Variants in ZEB1 observed in about 807,000 individuals in gnomAD.
ZEB1 encodes zinc finger E-box binding homeobox 1.
A neutral mutation model predicts 84.9 loss-of-function variants in ZEB1; 21 were observed. The ratio of observed to expected loss-of-function variants is 0.25; its 90% confidence interval spans 0.18 to 0.36. The LOEUF (loss-of-function observed/expected upper bound fraction) is 0.36. Among genes scored for constraint, ZEB1 ranks in the 10% least tolerant of loss-of-function variants. The pLI, the probability that ZEB1 is intolerant of heterozygous loss-of-function variation, is 1.00. For synonymous variants in ZEB1, 420 were observed against 471.1 expected (o/e 0.89, Z 1.41); for missense variants, 1,104 against 1,330.2 (o/e 0.83, Z 2.65).
chr10:31,495,103 A>G (rs955758786), intron 2 of ZEB1, among the ~76,000 whole-genome samples: 14 of 152,046 alleles, frequency 9.2e-5, no homozygotes, highest in Middle Eastern at 3.2e-3. Context: ...TTTGGAGCCA[A>G]TCAGACCTGC....
chr10:31,514,203 T>G (rs879505417), intron 5 of ZEB1, among the ~76,000 whole-genome samples: 15 of 152,172 alleles, frequency 9.9e-5, no homozygotes, highest in Non-Finnish European at 2.2e-4. Flanking sequence ...GGTTATTCAG[T>G]ATTTGTGGAT....
rs1324959694 is a variant in ZEB1 at position 31,502,300 on chromosome 10, A to G, written c.323-48A>G. The G allele has an allele frequency of 1.4e-5, 22 of 1,590,336 alleles. No homozygotes were observed. In the South Asian group the frequency reaches 2.3e-4, roughly 17 times the overall value. The stretch of plus-strand genomic sequence containing the variant: ...ATTTCTTATTTAGAAAACCTTTGTA[A>G]TAACTTAGTGGTGAGATTGCTGTCT... On this transcript the variant is annotated intron_variant, in intron 3 of 8. Coordinates refer to ENST00000424869, the MANE Select transcript of ZEB1 (RefSeq NM_001174096.2).
intron 1 of ZEB1, among the ~76,000 whole-genome samples, chr10:31,456,304 G>T (rs570542500): frequency 4.7e-4 from 72 of 152,192 alleles, no homozygotes; most frequent in African/African-American, 1.6e-3. Context: ...AATACCTAAT[G>T]TAGGTGATGG....
At chr10:31,478,243 A>G (rs1437042480) in intron 2 of ZEB1, among the ~76,000 whole-genome samples, 2 of 152,036 alleles carry the variant, frequency 1.3e-5, no homozygotes, top group Admixed American at 6.6e-5. Flanking sequence ...GCCAACAAAC[A>G]TTTTAAAAAT....
intron 1 of ZEB1, chr10:31,381,893 C>G (rs2047703124): frequency 6.6e-6 from 1 of 150,824 alleles, no homozygotes; most frequent in African/African-American, 2.4e-5. Flanking sequence ...CGCCTGTAGT[C>G]TCAGCTACTC....
intron 1 of ZEB1, among the ~76,000 whole-genome samples, chr10:31,375,923 GGAGTTCCTGCT>G (rs932427054): frequency 7.1e-4 from 107 of 151,734 alleles, no homozygotes; most frequent in African/African-American, 2.4e-3. Context: ...TTAAAAAGAA[GGAGTTCCTGCT>G]GATATAAGTC....
At chr10:31,435,765 A>G (rs553609946) in intron 1 of ZEB1, among the ~76,000 whole-genome samples, 2 of 152,232 alleles carry the variant, frequency 1.3e-5, no homozygotes, top group Admixed American at 1.3e-4. Context: ...TGATGGAACA[A>G]TGGAAAGCCA....
intron 1 of ZEB1, among the ~76,000 whole-genome samples, chr10:31,412,399 T>TC (rs1449083260): frequency 6.6e-6 from 1 of 152,182 alleles, no homozygotes; most frequent in Admixed American, 6.5e-5. Flanking sequence ...CCTGATGCTA[T>TC]CCCTCCCCAC....
intron 1 of ZEB1, among the ~76,000 whole-genome samples, chr10:31,409,802 G>T (rs1300971912): frequency 6.6e-6 from 1 of 150,778 alleles, no homozygotes; most frequent in Admixed American, 6.6e-5. Flanking sequence ...TCATGATTTG[G>T]CTCTGTTTGT....
chr10:31,468,143 G>A (rs2062678205), intron 2 of ZEB1, among the ~76,000 whole-genome samples: 1 of 152,132 alleles, frequency 6.6e-6, no homozygotes, highest in Admixed American at 6.5e-5. Flanking sequence ...GCCCTACCAA[G>A]GTCACGTCTG....
At chr10:31,501,081 A>G (rs1304399728) in intron 3 of ZEB1, among the ~76,000 whole-genome samples, 1 of 152,220 alleles carries the variant, frequency 6.6e-6, no homozygotes, top group Non-Finnish European at 1.5e-5. Flanking sequence ...TTTAATAACC[A>G]TCGAACAAAC....
intron 1 of ZEB1, among the ~76,000 whole-genome samples, chr10:31,448,703 G>T (rs1241908311): frequency 6.6e-6 from 1 of 152,104 alleles, no homozygotes; most frequent in Non-Finnish European, 1.5e-5. Flanking sequence ...CTGCTGGGGG[G>T]TGCCTCCCAG....
At chr10:31,321,260 C>T in intron 1 of ZEB1, 1 of 1,281,992 alleles carries the variant, frequency 7.8e-7, no homozygotes. Context: ...CAAGATGTTT[C>T]CTTCCAATCC....
chr10:31,483,215 T>C (rs2065281866), intron 2 of ZEB1, among the ~76,000 whole-genome samples: 1 of 152,160 alleles, frequency 6.6e-6, no homozygotes, highest in East Asian at 1.9e-4. Flanking sequence ...ATACTGAGTG[T>C]ACCTGTACAG....
intron 2 of ZEB1, among the ~76,000 whole-genome samples, chr10:31,491,674 A>C (rs765067209): frequency 6.6e-6 from 1 of 151,918 alleles, no homozygotes; most frequent in Non-Finnish European, 1.5e-5. Context: ...AGAGTCTTTA[A>C]ATAACCGTTT....
At chr10:31,362,787 C>G (rs1348584327) in intron 1 of ZEB1, 1 of 709,838 alleles carries the variant, frequency 1.4e-6, no homozygotes, top group Non-Finnish European at 2.5e-6. Flanking sequence ...CTGGGCCTCC[C>G]AAAGTGCTGG....
intron 1 of ZEB1, chr10:31,321,365 G>T: frequency 6.5e-7 from 1 of 1,531,586 alleles, no homozygotes; most frequent in Non-Finnish European, 8.8e-7. Context: ...AAAGACGTCT[G>T]TTGATTATAA....
At chr10:31,437,701 G>A (rs114575518) in intron 1 of ZEB1, among the ~76,000 whole-genome samples, 2,454 of 152,232 alleles carry the variant, frequency 0.016, 64 homozygotes, top group African/African-American at 0.056. Flanking sequence ...ATGGAAGTAA[G>A]GGAGGATCCG....
At chr10:31,407,664 G>T (rs1304902762) in intron 1 of ZEB1, among the ~76,000 whole-genome samples, 1 of 152,150 alleles carries the variant, frequency 6.6e-6, no homozygotes, top group Admixed American at 6.5e-5. Flanking sequence ...CTCAATAGAT[G>T]CAGAAAAGGC....
Sources: allele counts gnomAD v4.1 joint callset (sites outside exome capture counted in the v4.1 genomes callset), GRCh38; gene constraint gnomAD v4.1.1; transcripts MANE v1.5; gene names NCBI Gene and HGNC (gene_info 2026-07-23, HGNC 2026-07-21).